The following PRMT8 variants were observed in gnomAD, a reference collection of about 807,000 sequenced individuals.
PRMT8 encodes protein arginine methyltransferase 8.
Under a neutral mutation model 47.1 loss-of-function variants are expected in PRMT8, and 7 were observed. That is an observed-to-expected ratio of 0.15 (90% CI 0.08 to 0.28). The LOEUF (loss-of-function observed/expected upper bound fraction) is 0.28. Ranked by LOEUF, PRMT8 falls within the 10% of genes least tolerant of loss-of-function variation. The pLI is 1.00. For synonymous variants in PRMT8, 188 were observed against 186.5 expected (o/e 1.01, Z -0.07); for missense variants, 237 against 505.4 (o/e 0.47, Z 5.09).
At chr12:3,537,565 C>A (rs137951947) in intron 1 of PRMT8, among the ~76,000 whole-genome samples, 1 of 152,340 alleles carries the variant, frequency 6.6e-6, no homozygotes, top group African/African-American at 2.4e-5. Flanking sequence ...AATGACATTT[C>A]AAACTCTGCA....
At position 3,569,631 on chromosome 12, in the gene PRMT8, G is replaced by A. The variant is rs1866810208; in HGVS notation, c.712+67G>A. 18 of 1,281,278 alleles carry A rather than the reference G, an allele frequency of 1.4e-5. No homozygotes were observed. Among genetic ancestry groups the A allele is most frequent in the Admixed American group, 3.4e-5 (2 of 59,352 alleles). The allele number at this position is 1,281,278 out of a possible 1,614,324, so 79.4% of individuals were successfully genotyped here. A position where few individuals can be genotyped will look rare whatever the true frequency, so the allele number is the denominator to read the frequency against. Reference sequence around the variant, plus strand: ...ATTGGGGTGGGAGGCACTCCAGTGGGCCCGAGATGAGCAGGCAGTGACATG... The same window carrying A: ...ATTGGGGTGGGAGGCACTCCAGTGGACCCGAGATGAGCAGGCAGTGACATG... On this transcript the variant is annotated intron_variant, in intron 6 of 9. Coordinates refer to ENST00000382622, the MANE Select transcript of PRMT8 (RefSeq NM_019854.5). The surrounding 1 kb of genome is among the most constrained non-coding windows in gnomAD (Gnocchi z 8.2).
chr12:3,578,221 C>G (rs114426350), intron 7 of PRMT8, among the ~76,000 whole-genome samples: 3,056 of 152,102 alleles, frequency 0.02, 102 homozygotes, highest in African/African-American at 0.069. Flanking sequence ...GTTTCATGTA[C>G]CACAAGCTAT....
At chr12:3,401,316 A>T (rs1864314283) in intron 1 of PRMT8, among the ~76,000 whole-genome samples, 1 of 152,110 alleles carries the variant, frequency 6.6e-6, no homozygotes, top group South Asian at 2.1e-4. Flanking sequence ...GGTATTGAGG[A>T]ATATACCTCA....
rs71061115 is a variant in PRMT8, at chr12:3,451,033, A to ACCCCCCCCC, written c.48+69605_48+69613dup. 2.9e-3 allele frequency among the ~76,000 whole-genome samples: 75 copies of ACCCCCCCCC among 26,116 alleles called. 29 individuals carry two copies. Among genetic ancestry groups the ACCCCCCCCC allele is most frequent in the East Asian group, 9.5e-3 (2 of 210 alleles). The allele number at this position is 26,116 out of a possible 152,430, so 17.1% of individuals were successfully genotyped here. ...TGAAAGCAGTTTTGATCTTGCTGACACCCCCCCCCCCCCCCCCCCCCCGCC... is the reference window on the plus strand; with the variant it reads ...TGAAAGCAGTTTTGATCTTGCTGACACCCCCCCCCCCCCCCCCCCCCCCCCCCCCCCGCC... On this transcript the variant is annotated intron_variant, in intron 1 of 9. Transcript: ENST00000452611.
chr12:3,545,929 G>A (rs4766138), intron 2 of PRMT8, among the ~76,000 whole-genome samples: 43,348 of 152,146 alleles, frequency 0.28, 6,393 homozygotes, highest in Middle Eastern at 0.41. Context: ...TCAAGTGCAC[G>A]TGGGAACATT....
rs983246287 is a variant in PRMT8 at position 3,468,963 on chromosome 12, G to A, written c.49-71643G>A. ...CATGCCTCCAAGATGACAAAGAAAA[G>A]AAGGAACTAGCGTTATGCCAAAAAG... On this transcript the variant is annotated intron_variant, in intron 1 of 9. Transcript: ENST00000452611. 1.8e-5 allele frequency: 4 copies of A among 228,148 alleles called. No homozygotes were observed. In the East Asian group the frequency reaches 5.7e-4, roughly 32 times the overall value. The allele number at this position is 228,148 out of a possible 1,614,324, so 14.1% of individuals were successfully genotyped here.
At chr12:3,485,541 A>G (rs2137104739) in intron 1 of PRMT8, among the ~76,000 whole-genome samples, 1 of 152,344 alleles carries the variant, frequency 6.6e-6, no homozygotes, top group African/African-American at 2.4e-5. Context: ...GAACTTGAAA[A>G]TTCATCAGTA....
chr12:3,397,527 G>T (rs1012992267), intron 1 of PRMT8, among the ~76,000 whole-genome samples: 1 of 151,296 alleles, frequency 6.6e-6, no homozygotes, highest in Non-Finnish European at 1.5e-5. Context: ...CTGCTCGGGG[G>T]TCAGGGGTCA....
At chr12:3,524,450 C>G (rs888283560) in intron 1 of PRMT8, among the ~76,000 whole-genome samples, 3 of 152,044 alleles carry the variant, frequency 2.0e-5, no homozygotes, top group Non-Finnish European at 4.4e-5. Context: ...TCTTCCCCGC[C>G]CCTTAGTTGC....
intron 1 of PRMT8, among the ~76,000 whole-genome samples, chr12:3,446,603 A>T (rs988168262): frequency 6.6e-6 from 1 of 152,154 alleles, no homozygotes; most frequent in Non-Finnish European, 1.5e-5. Flanking sequence ...TTGGAAACGG[A>T]GTCCCAGCTG....
At position 3,453,514 on chromosome 12, in the gene PRMT8, C is replaced by T. The variant is rs1864942953; in HGVS notation, c.48+72072C>T. ...GGTGCCGTAGGACATGATTTCTGAC[C>T]TCAGAGGCCCTGCTTTCTCCTGGGG... On this transcript the variant is annotated intron_variant, in intron 1 of 9. Coordinates refer to the PRMT8 transcript ENST00000452611. The surrounding 1 kb of genome is among the most constrained non-coding windows in gnomAD (Gnocchi z 4.9). Among the ~76,000 whole-genome samples the T allele has an allele frequency of 6.6e-6, 1 of 152,198 alleles. No individual in the cohort carries two copies.
At chr12:3,529,498 T>C (rs564361661) in intron 1 of PRMT8, among the ~76,000 whole-genome samples, 42 of 152,218 alleles carry the variant, frequency 2.8e-4, no homozygotes, top group Non-Finnish European at 4.8e-4. Flanking sequence ...GTGGCTGACG[T>C]TATTCCCTCT....
intron 1 of PRMT8, among the ~76,000 whole-genome samples, chr12:3,476,622 A>G (rs570986048): frequency 2.2e-4 from 33 of 152,210 alleles, no homozygotes; most frequent in Non-Finnish European, 3.8e-4. Flanking sequence ...AAAGGTCATG[A>G]GACAAGGTGG....
intron 1 of PRMT8, among the ~76,000 whole-genome samples, chr12:3,519,426 G>A (rs374320008): frequency 3.3e-5 from 5 of 152,160 alleles, no homozygotes; most frequent in African/African-American, 7.2e-5. Context: ...AAGAGGTGCC[G>A]GGAAAGGATG....
At chr12:3,412,477 T>A (rs971880659) in intron 1 of PRMT8, among the ~76,000 whole-genome samples, 6 of 152,276 alleles carry the variant, frequency 3.9e-5, no homozygotes, top group Non-Finnish European at 8.8e-5. Flanking sequence ...GTAACTTTTA[T>A]ACTTTACAAA....
At chr12:3,483,187 G>A (rs1303067613) in intron 1 of PRMT8, among the ~76,000 whole-genome samples, 13 of 152,172 alleles carry the variant, frequency 8.5e-5, no homozygotes, top group Admixed American at 3.9e-4. Flanking sequence ...CACAGCACCC[G>A]GTCCGCAGTG....
intron 1 of PRMT8, among the ~76,000 whole-genome samples, chr12:3,498,821 A>G (rs1359800120): frequency 6.6e-6 from 1 of 152,236 alleles, no homozygotes; most frequent in Non-Finnish European, 1.5e-5. Flanking sequence ...ATAAAGTACC[A>G]CAAACTGGGT....
In PRMT8 at chr12:3,540,710, G is replaced by A. The variant is rs746101313; in HGVS notation, c.180G>A (p.Lys60=). The A allele has an allele frequency of 6.3e-7, 1 of 1,576,656 alleles. No individual in the cohort carries two copies. The highest frequency in any genetic ancestry group is 1.1e-5 in the South Asian group (1 of 90,502). The change falls in exon 2 of 10, where the codon AAG becomes AAA. Residue 60 remains lysine, a synonymous_variant. Transcript: ENST00000382622. The part of the protein sequence containing the change: ...STQPSCPGRG[K]MSKLLNPEEM... ...AACCCAGCTGCCCAGGACGGGGCAAGATGTCCAAGCTGCTGAACCCAGAGG... is the reference window on the plus strand; with the variant it reads ...AACCCAGCTGCCCAGGACGGGGCAAAATGTCCAAGCTGCTGAACCCAGAGG...
Position 3,592,353 on chromosome 12 carries a change from G to C in PRMT8, c.1101+1G>C. ...CATGAAGCCAAATGCCAAAAATGTG[G>C]TAAGTGCCGAGGGACATAAGGACAT... is the stretch of plus-strand genomic sequence containing the variant. On this transcript the variant is annotated splice_donor_variant, in intron 9 of 9. Transcript: ENST00000382622. LOFTEE classifies it high-confidence loss of function. The C allele has an allele frequency of 6.2e-7, 1 of 1,601,816 alleles. No individual in the cohort carries two copies. Among genetic ancestry groups the C allele is most frequent in the Non-Finnish European group, 8.5e-7 (1 of 1,174,748 alleles).
Sources: gnomAD v4.1 joint callset for allele counts (sites outside exome capture counted in the v4.1 genomes callset) on GRCh38, gnomAD v4.1.1 for gene constraint, Gnocchi (gnomAD v3.1) non-coding constraint, MANE v1.5 for transcripts, NCBI Gene and HGNC (gene_info 2026-07-23, HGNC 2026-07-21) for gene names.